The following KIF15 variants were observed in gnomAD, a reference collection of about 807,000 sequenced individuals.
The protein encoded by KIF15 is kinesin family member 15.
KIF15 carries 140 observed loss-of-function variants against 190.6 expected under a neutral mutation model. The ratio of observed to expected loss-of-function variants is 0.73; its 90% CI spans 0.64 to 0.84. KIF15 has a LOEUF of 0.84. KIF15 is among the 40% of genes least tolerant of loss of function. The probability of loss-of-function intolerance (pLI) is 0.00; values close to 1 mark genes in which losing one functional copy is unlikely to be tolerated. For synonymous variants in KIF15, 528 were observed against 551.3 expected (o/e 0.96, Z 0.59); for missense variants, 1,372 against 1,584.4 (o/e 0.87, Z 2.28).
chr3:44,829,468 GTATA>G (rs1279584260), intron 24 of KIF15, among the ~76,000 whole-genome samples: 2 of 128,468 alleles, frequency 1.6e-5, no homozygotes, highest in East Asian at 4.1e-4. Flanking sequence ...TAATATATAT[GTATA>G]TAATATGTGT....
At chr3:44,865,805 A>G (rs1279681354) in intron 6 of KIF15, 2 of 154,858 alleles carry the variant, frequency 1.3e-5, no homozygotes, top group African/African-American at 4.8e-5. Flanking sequence ...GACACCTGCT[A>G]GAGCTTGATC....
chr3:44,809,412 A>T (rs79413372), intron 16 of KIF15, among the ~76,000 whole-genome samples: 1,707 of 152,182 alleles, frequency 0.011, 25 homozygotes, highest in African/African-American at 0.037. Context: ...GTTATATAGA[A>T]GTTTTATATT....
chr3:44,797,380 T>C (rs537152231), intron 8 of KIF15, among the ~76,000 whole-genome samples, 171 bp from the exon 9 acceptor site: 19 of 152,328 alleles, frequency 1.2e-4, no homozygotes, highest in African/African-American at 4.6e-4. Context: ...AGGAAAAGGT[T>C]AGGGATAGTT....
chr3:44,850,240 T>G (rs924006016), intron 32 of KIF15, among the ~76,000 whole-genome samples: 2 of 152,214 alleles, frequency 1.3e-5, no homozygotes, highest in Non-Finnish European at 2.9e-5. Context: ...TTCATTTGCT[T>G]CATAGAATCA....
chr3:44,842,156 CACTGG>C (rs1698639962), intron 29 of KIF15, among the ~76,000 whole-genome samples: 1 of 152,160 alleles, frequency 6.6e-6, no homozygotes, highest in South Asian at 2.1e-4. Flanking sequence ...ATTTTTCTAT[CACTGG>C]ACTTTTTCTT....
rs1705832815 is a variant in KIF15 at position 44,775,450 on chromosome 3, A to G, written c.246+13A>G. 3 of 1,554,524 alleles carry G rather than the reference A, an allele frequency of 1.9e-6. No individual in the cohort carries two copies. Among genetic ancestry groups the G allele is most frequent in the Non-Finnish European group, 2.6e-6 (3 of 1,152,636 alleles). On this transcript the variant is annotated intron_variant, in intron 3 of 34. Transcript: ENST00000326047. ...GGATACCACTCAGGTAATGATAATT[A>G]GAAACTTAACTTTTTTTTTTTTTTG...
intron 11 of KIF15, among the ~76,000 whole-genome samples, chr3:44,801,021 T>C (rs1261576437): frequency 6.6e-6 from 1 of 151,880 alleles, no homozygotes; most frequent in East Asian, 1.9e-4. Context: ...GTTTTTTTTT[T>C]TTTTGAGACG....
chr3:44,819,748 A>T lies in KIF15; in HGVS notation c.2549+4672A>T, dbSNP rs371431388. 2.3e-4 allele frequency among the ~76,000 whole-genome samples: 35 copies of T among 152,256 alleles called. 1 individual carries two copies. In the East Asian group the frequency reaches 3.7e-3, roughly 16 times the overall value. On this transcript the variant is annotated intron_variant, in intron 20 of 34. Coordinates refer to ENST00000326047, the MANE Select transcript of KIF15 (RefSeq NM_020242.3). ...TGATTTGGGGTGGAGAGTTCTGTAG[A>T]TGTCTATTAGGTCCGCTTGGTCCAG...
chr3:44,771,497 G>A (rs565914280), intron 1 of KIF15, among the ~76,000 whole-genome samples: 3 of 152,130 alleles, frequency 2.0e-5, no homozygotes, highest in African/African-American at 7.2e-5. Flanking sequence ...GATGTGTCAG[G>A]GGCCCTCTGT....
intron 1 of KIF15, among the ~76,000 whole-genome samples, chr3:44,762,254 T>G (rs1030362534): frequency 3.3e-5 from 5 of 152,192 alleles, no homozygotes; most frequent in African/African-American, 9.6e-5. Flanking sequence ...CGGCTTTTGC[T>G]CCCACCAGCT....
downstream of KIF15, among the ~76,000 whole-genome samples, chr3:44,857,603 A>G (rs1430132631): frequency 6.6e-6 from 1 of 152,200 alleles, no homozygotes; most frequent in Non-Finnish European, 1.5e-5. Flanking sequence ...GGAGTGGGGA[A>G]AAGATTTAGG....
rs1234933693 is a variant in KIF15 at position 44,770,144 on chromosome 3, G to T, written c.20-4251G>T. The stretch of plus-strand genomic sequence containing the variant: ...CAAAAAACTTGAAAACAACTAGTGG[G>T]TCTAGAATTTAATGATGATAAGTTT... On this transcript the variant is annotated intron_variant, in intron 1 of 34. Transcript: ENST00000326047. Among the ~76,000 whole-genome samples, 5 of 152,186 alleles carry T rather than the reference G, an allele frequency of 3.3e-5. No homozygotes were observed. The East Asian group carries it at 9.6e-4, about 29-fold the overall frequency.
At chr3:44,849,810 C>G (rs1227259221) in intron 32 of KIF15, among the ~76,000 whole-genome samples, 2 of 151,912 alleles carry the variant, frequency 1.3e-5, no homozygotes, top group African/African-American at 4.8e-5. Context: ...ATGTTTATTA[C>G]CAATTGAGTT....
intron 6 of KIF15, among the ~76,000 whole-genome samples, chr3:44,785,214 C>G (rs1436706035): frequency 6.6e-6 from 1 of 152,188 alleles, no homozygotes. Flanking sequence ...GCTTCTGAGG[C>G]TCTCAAAAAA....
chr3:44,805,107 C>G lies in KIF15; in HGVS notation c.1768C>G (p.Gln590Glu). 1 of 1,613,682 alleles carries G rather than the reference C, an allele frequency of 6.2e-7. No homozygotes were observed. The highest frequency in any genetic ancestry group is 8.5e-7 in the Non-Finnish European group (1 of 1,179,760). ...NTEKLKAQLLQIQTELNNSKQ... is the reference protein window; with the variant it reads ...NTEKLKAQLLEIQTELNNSKQ... ...TGAGAAGTTAAAAGCACAACTCCTGCAAATTCAGACAGAGCTGAATAATTC... is the reference window on the plus strand; with the variant it reads ...TGAGAAGTTAAAAGCACAACTCCTGGAAATTCAGACAGAGCTGAATAATTC... Residue 590 changes from glutamine (Q) to glutamate (E), a missense_variant, in exon 15 of 35, where the codon CAA (glutamine) becomes GAA (glutamate). Coordinates refer to ENST00000326047, the MANE Select transcript of KIF15 (RefSeq NM_020242.3).
intron 24 of KIF15, 69 bp downstream of exon 24, chr3:44,828,369 C>A: frequency 9.2e-7 from 1 of 1,091,144 alleles, no homozygotes; most frequent in Non-Finnish European, 1.4e-6. Context: ...ATTTTGTTCT[C>A]CTACCTCTTC....
At position 44,786,515 on chromosome 3, in the gene KIF15, G is replaced by A. The variant is rs762990011; in HGVS notation, c.580G>A (p.Gly194Arg). 1.9e-6 allele frequency: 3 copies of A among 1,613,148 alleles called. No homozygotes were observed. The highest frequency in any genetic ancestry group is 2.5e-6 in the Non-Finnish European group (3 of 1,179,430). Reference sequence around the variant, plus strand: ...GTACTTAAGGGAGCATATCAAGAAGGGAGTCTTTGTTGTTGGTGCGGTGGA... The same window carrying A: ...GTACTTAAGGGAGCATATCAAGAAGAGAGTCTTTGTTGTTGGTGCGGTGGA... ...GLYLREHIKKGVFVVGAVEQV... is the reference protein window; with the variant it reads ...GLYLREHIKKRVFVVGAVEQV... The change falls in exon 7 of 35, where the codon GGA (glycine) becomes AGA (arginine). Residue 194 changes from glycine to arginine, a missense_variant. Transcript: ENST00000326047.
chr3:44,805,350 A>G (rs1471665552), intron 15 of KIF15, among the ~76,000 whole-genome samples, 182 bp downstream of exon 15: 1 of 152,210 alleles, frequency 6.6e-6, no homozygotes, highest in Non-Finnish European at 1.5e-5. Flanking sequence ...TCAATGAACT[A>G]GGTAATACAG....
intron 19 of KIF15, among the ~76,000 whole-genome samples, chr3:44,813,788 G>A (rs189276464): frequency 1.3e-5 from 2 of 152,054 alleles, no homozygotes; most frequent in African/African-American, 2.4e-5. Flanking sequence ...CACCAAGCCC[G>A]GCTAATTTTA....
Sources: allele counts gnomAD v4.1 joint callset (sites outside exome capture counted in the v4.1 genomes callset), GRCh38; gene constraint gnomAD v4.1.1; transcripts MANE v1.5; gene names NCBI Gene and HGNC (gene_info 2026-07-23, HGNC 2026-07-21).